GPD2: variants seen among roughly 807,000 people sequenced by gnomAD.
GPD2 encodes glycerol-3-phosphate dehydrogenase 2, also known as glycerol-3-phosphate dehydrogenase, mitochondrial.
A neutral mutation model predicts 82.4 loss-of-function variants in GPD2; 54 were observed. The ratio of observed to expected loss-of-function variants is 0.66; its 90% CI spans 0.53 to 0.82. GPD2 has a LOEUF of 0.82. Ranked by LOEUF, GPD2 falls within the 40% of genes least tolerant of loss-of-function variation. The pLI is 0.00. For missense variants in GPD2, 748 were observed against 896.2 expected, an observed-to-expected ratio of 0.83 and a Z score of 2.11; for synonymous variants, 288 against 306.1, an observed-to-expected ratio of 0.94 and a Z score of 0.62.
intron 1 of GPD2, among the ~76,000 whole-genome samples, chr2:156,473,994 A>G (rs1683420411): frequency 6.6e-6 from 1 of 152,194 alleles, no homozygotes; most frequent in Non-Finnish European, 1.5e-5. Flanking sequence ...CTCCAGCAGC[A>G]GAGTACATAT....
rs758875898 is a variant in GPD2 at position 156,569,404 on chromosome 2, A to G, written c.1342A>G (p.Ile448Val). 8 of 1,611,712 alleles carry G rather than the reference A, an allele frequency of 5.0e-6. No individual in the cohort carries two copies. Among genetic ancestry groups the G allele is most frequent in the Non-Finnish European group, 6.8e-6 (8 of 1,178,060 alleles). ...TTYRSMAEDT[I>V]NAAVKTHNLK... Reference sequence around the variant, plus strand: ...TTATCGGTCTATGGCAGAAGATACCATAAATGCTGCTGTCAAAACTCATAA... The same window carrying G: ...TTATCGGTCTATGGCAGAAGATACCGTAAATGCTGCTGTCAAAACTCATAA... Residue 448 changes from isoleucine (I) to valine (V), a missense_variant, in exon 11 of 17, where the codon ATA (isoleucine) becomes GTA (valine). This residue lies in a region of GPD2 where 692 missense variants were observed against 809.7 expected (regional missense o/e 0.85). Coordinates refer to ENST00000438166, the MANE Select transcript of GPD2 (RefSeq NM_000408.5).
At chr2:156,459,535 A>G (rs937652364) in intron 1 of GPD2, among the ~76,000 whole-genome samples, 2 of 151,908 alleles carry the variant, frequency 1.3e-5, no homozygotes, top group African/African-American at 4.8e-5. Context: ...TGAAAATACA[A>G]AAATTAGCTG....
chr2:156,496,644 T>A (rs1684389261), intron 3 of GPD2, among the ~76,000 whole-genome samples: 1 of 147,888 alleles, frequency 6.8e-6, no homozygotes, highest in South Asian at 2.3e-4. Context: ...TCATTTCACT[T>A]CAATGAATTT....
At chr2:156,523,029 C>A (rs1217025271) in intron 6 of GPD2, among the ~76,000 whole-genome samples, 1 of 152,040 alleles carries the variant, frequency 6.6e-6, no homozygotes, top group African/African-American at 2.4e-5. Context: ...TTAGACTCTC[C>A]CACTATCAAC....
At chr2:156,463,147 A>G (rs1683045700) in intron 1 of GPD2, among the ~76,000 whole-genome samples, 1 of 152,210 alleles carries the variant, frequency 6.6e-6, no homozygotes, top group African/African-American at 2.4e-5. Context: ...TCCTGAGGCC[A>G]TCACCATATC....
chr2:156,532,448 C>A (rs1685904094), intron 6 of GPD2, among the ~76,000 whole-genome samples: 1 of 152,120 alleles, frequency 6.6e-6, no homozygotes, highest in African/African-American at 2.4e-5. Flanking sequence ...TCTCTTCTCC[C>A]CATGTGCTCC....
intron 8 of GPD2, among the ~76,000 whole-genome samples, chr2:156,554,445 G>A (rs182417297): frequency 1.1e-4 from 17 of 152,328 alleles, no homozygotes; most frequent in African/African-American, 4.1e-4. Context: ...GGAACCATAT[G>A]TGCAGTGTAT....
intron 1 of GPD2, among the ~76,000 whole-genome samples, chr2:156,443,951 G>A (rs1682267214): frequency 1.3e-5 from 2 of 152,226 alleles, no homozygotes; most frequent in South Asian, 4.1e-4. Context: ...GACCATTTAT[G>A]TGGGCTAGGT....
intron 9 of GPD2, 43 bp downstream of exon 9, chr2:156,557,625 C>T: frequency 5.6e-6 from 6 of 1,066,118 alleles, no homozygotes; most frequent in Non-Finnish European, 8.8e-6. Flanking sequence ...GTGTCCATAT[C>T]TCCCAAGCCA....
chr2:156,434,994 C>G (rs1239823404), upstream of GPD2, among the ~76,000 whole-genome samples: 1 of 152,106 alleles, frequency 6.6e-6, no homozygotes, highest in Non-Finnish European at 1.5e-5. Flanking sequence ...ATCTGGCATT[C>G]CACCCCTCCC....
rs1167577530 is a variant in GPD2, at chr2:156,548,832, A to T, written c.662-776A>T. Among the ~76,000 whole-genome samples the T allele has an allele frequency of 2.0e-5, 3 of 152,126 alleles. No individual in the cohort carries two copies. In the East Asian group the frequency reaches 5.8e-4, roughly 29 times the overall value. On this transcript the variant is annotated intron_variant, in intron 6 of 16. Transcript: ENST00000438166. ...AACCTGGCCCCTGCAATGTAGAGTA[A>T]TTCTTCCTGGTCAGCGTTAACTCCA...
intron 6 of GPD2, among the ~76,000 whole-genome samples, chr2:156,543,232 G>T (rs1049410652): frequency 2.0e-5 from 3 of 152,158 alleles, no homozygotes; most frequent in African/African-American, 7.2e-5. Flanking sequence ...ATAGTTGAAT[G>T]GAAATTGAGG....
chr2:156,553,104 G>A (rs1056836199), intron 8 of GPD2, among the ~76,000 whole-genome samples: 4 of 151,874 alleles, frequency 2.6e-5, no homozygotes, highest in Non-Finnish European at 5.9e-5. Flanking sequence ...GGCCAGGCTG[G>A]TATCAAACTC....
the GPD2 span, among the ~76,000 whole-genome samples, chr2:156,407,981 G>T: frequency 9.0e-6 from 1 of 111,416 alleles, no homozygotes. Flanking sequence ...TTGAGACAGG[G>T]TCTTGCTCTG....
In GPD2 at chr2:156,579,158, A is replaced by AT. The variant is rs1305149607; in HGVS notation, c.1955dup (p.Leu652PhefsTer10). 1.9e-6 allele frequency: 3 copies of AT among 1,584,966 alleles called. No homozygotes were observed. The African/African-American group carries it at 4.0e-5, about 21-fold the overall frequency. On this transcript the variant is annotated frameshift_variant, in exon 15 of 17. Coordinates refer to ENST00000438166, the MANE Select transcript of GPD2 (RefSeq NM_000408.5). LOFTEE classifies it high-confidence loss of function. ...TTACCATTGTTGATGTTCAGCGTGT[A>AT]TTAGAGGTAATTTTCTTTGGTTGAT...
intron 13 of GPD2, 64 bp downstream of exon 13, chr2:156,571,356 A>G: frequency 1.0e-6 from 1 of 1,003,520 alleles, no homozygotes; most frequent in Non-Finnish European, 1.5e-6. Context: ...TTAATTTGTT[A>G]GTAGAAGCTA....
intron 16 of GPD2, among the ~76,000 whole-genome samples, chr2:156,581,645 T>C (rs1688028373): frequency 6.6e-6 from 1 of 152,176 alleles, no homozygotes; most frequent in African/African-American, 2.4e-5. Context: ...TTTTTGAATA[T>C]AGATACGGTT....
chr2:156,423,011 G>C, the GPD2 span, among the ~76,000 whole-genome samples: 1 of 152,138 alleles, frequency 6.6e-6, no homozygotes, highest in African/African-American at 2.4e-5. Context: ...ATGCCCCAGG[G>C]ATTGTTCTAA....
the GPD2 span, among the ~76,000 whole-genome samples, chr2:156,411,926 C>T: frequency 1.3e-5 from 2 of 152,136 alleles, no homozygotes; most frequent in African/African-American, 2.4e-5. Context: ...TATGCCTAGC[C>T]AGGAAAACCA....
Sources: allele counts gnomAD v4.1 joint callset (sites outside exome capture counted in the v4.1 genomes callset), GRCh38; gene constraint gnomAD v4.1.1; regional missense constraint gnomAD v4.1.1; transcripts MANE v1.5; gene names NCBI Gene and HGNC (gene_info 2026-07-23, HGNC 2026-07-21).